Variants in OSBP2 observed in about 807,000 individuals in gnomAD.
OSBP2 encodes the protein oxysterol binding protein 2.
OSBP2 carries 66 observed loss-of-function variants against 96.0 expected under a neutral mutation model. The observed-to-expected ratio is 0.69, with a 90% CI of 0.56 to 0.84. The LOEUF is 0.84. Ranked by LOEUF, OSBP2 falls within the 40% of genes least tolerant of loss-of-function variation. OSBP2 has a pLI of 0.00. For missense variants in OSBP2, 1,038 were observed against 1,222.7 expected (o/e 0.85, Z 2.25); for synonymous variants, 525 against 520.9 (o/e 1.01, Z -0.11).
At chr22:30,751,508 C>T (rs1352697195) in intron 2 of OSBP2, among the ~76,000 whole-genome samples, 2 of 152,126 alleles carry the variant, frequency 1.3e-5, no homozygotes, top group East Asian at 3.9e-4. Context: ...GTGTCCACCA[C>T]CACGCCTGGC....
rs2039911234 is a variant in OSBP2 at position 30,890,096 on chromosome 22, G to A, written c.1623+460G>A. 6.6e-6 allele frequency among the ~76,000 whole-genome samples: 1 copy of A among 152,186 alleles called. No individual in the cohort carries two copies. ...AGTGGCATCTCCACTAGGCCAGACG[G>A]TTCTGCTGTGTGACCCAGAACAAGT... On this transcript the variant is annotated intron_variant, in intron 7 of 13. Coordinates refer to ENST00000332585, the MANE Select transcript of OSBP2 (RefSeq NM_030758.4). This position sits in a 1 kb window ranked among gnomAD's most constrained non-coding sequence, Gnocchi z 4.4.
chr22:30,892,134 C>G lies in OSBP2; in HGVS notation c.1870-988C>G, dbSNP rs192621220. Among the ~76,000 whole-genome samples, 45 of 151,832 alleles carry G rather than the reference C, an allele frequency of 3.0e-4. No homozygotes were observed. The East Asian group carries it at 8.4e-3, about 28-fold the overall frequency. On this transcript the variant is annotated intron_variant, in intron 8 of 13. Coordinates refer to ENST00000332585, the MANE Select transcript of OSBP2 (RefSeq NM_030758.4). ...GAGATGGAGGTGGGAGTGGAGGGGG[C>G]AGATGCTGGATGCGATTTGAAGGAA...
intron 2 of OSBP2, among the ~76,000 whole-genome samples, chr22:30,832,439 T>G (rs1305987026): frequency 6.6e-6 from 1 of 151,936 alleles, no homozygotes; most frequent in African/African-American, 2.4e-5. Context: ...TACAGGCATG[T>G]GCCACCACAC....
At chr22:30,708,375 C>G (rs767510922) in intron 1 of OSBP2, among the ~76,000 whole-genome samples, 1 of 151,696 alleles carries the variant, frequency 6.6e-6, no homozygotes, top group African/African-American at 2.4e-5. Context: ...AACTTCTAGG[C>G]CAATCTCGTT....
At chr22:30,720,890 C>T (rs1602168512) in intron 1 of OSBP2, among the ~76,000 whole-genome samples, 1 of 152,172 alleles carries the variant, frequency 6.6e-6, no homozygotes, top group South Asian at 2.1e-4. Context: ...TTGTGGGAGA[C>T]CCTTCTCTGC....
chr22:30,771,664 G>A lies in OSBP2; in HGVS notation c.853+30295G>A, dbSNP rs546562760. Among the ~76,000 whole-genome samples the A allele has an allele frequency of 2.0e-5, 3 of 152,370 alleles. No homozygotes were observed. The East Asian group carries it at 5.8e-4, about 29-fold the overall frequency. On this transcript the variant is annotated intron_variant, in intron 2 of 13. Transcript: ENST00000332585. ...CAGCCTAGGTTGCTTCCCTTGTTCT[G>A]TGGCCAGTGGTCTTTGGTGAAGGAT...
At chr22:30,887,644 G>A (rs1314330707) in intron 4 of OSBP2, 26 bp downstream of exon 4, 2 of 1,546,398 alleles carry the variant, frequency 1.3e-6, no homozygotes, top group Non-Finnish European at 1.7e-6. Context: ...GGGCAGGGCT[G>A]TCCCATGACC....
At chr22:30,803,814 G>A (rs1356668074) in intron 2 of OSBP2, among the ~76,000 whole-genome samples, 1 of 152,130 alleles carries the variant, frequency 6.6e-6, no homozygotes, top group Non-Finnish European at 1.5e-5. Flanking sequence ...GGGTGTGTGT[G>A]TGTGTATGTG....
At position 30,754,975 on chromosome 22, in the gene OSBP2, C is replaced by G. The variant is rs916506948; in HGVS notation, c.853+13606C>G. ...TAAAAACTCCCCGTCCTTGACCCCT[C>G]TGCTTTCTTCCTGTATACCCACTCT... is the stretch of plus-strand genomic sequence containing the variant. On this transcript the variant is annotated intron_variant, in intron 2 of 13. Coordinates refer to ENST00000332585, the MANE Select transcript of OSBP2 (RefSeq NM_030758.4). 1.7e-4 allele frequency among the ~76,000 whole-genome samples: 26 copies of G among 152,356 alleles called. 4 individuals are homozygous for G. Among genetic ancestry groups the G allele is most frequent in the Admixed American group, 1.5e-3 (23 of 15,310 alleles).
At chr22:30,895,813 C>A (rs1018541664) in intron 12 of OSBP2, among the ~76,000 whole-genome samples, 2 of 151,782 alleles carry the variant, frequency 1.3e-5, no homozygotes, top group African/African-American at 4.8e-5. Flanking sequence ...TGGCACGCAC[C>A]TGTAATCCCA....
chr22:30,803,586 AT>A (rs1449872798), intron 2 of OSBP2, among the ~76,000 whole-genome samples: 2 of 152,216 alleles, frequency 1.3e-5, no homozygotes, highest in African/African-American at 4.8e-5. Context: ...GAGGCCAGCC[AT>A]CTTTTAGCAG....
intron 1 of OSBP2, among the ~76,000 whole-genome samples, chr22:30,696,113 T>A (rs747813430): frequency 3.4e-4 from 52 of 151,874 alleles, no homozygotes; most frequent in Non-Finnish European, 6.2e-4. Context: ...CCTTCAGGAG[T>A]CCATCTTGGC....
At chr22:30,853,306 A>T (rs1166660585) in intron 2 of OSBP2, among the ~76,000 whole-genome samples, 1 of 152,180 alleles carries the variant, frequency 6.6e-6, no homozygotes, top group African/African-American at 2.4e-5. Flanking sequence ...AGGCACGTGC[A>T]CATCCAGGAG....
intron 12 of OSBP2, among the ~76,000 whole-genome samples, chr22:30,897,483 G>A (rs764066062): frequency 4.6e-5 from 7 of 152,142 alleles, no homozygotes; most frequent in Non-Finnish European, 8.8e-5. Flanking sequence ...GATTTAGAGC[G>A]TAGCATACAG....
intron 1 of OSBP2, among the ~76,000 whole-genome samples, chr22:30,701,344 CTTTTTTT>C (rs1228654999): frequency 7.8e-6 from 1 of 127,990 alleles, no homozygotes; most frequent in African/African-American, 2.8e-5. Context: ...TTTTTCTTTT[CTTTTTTT>C]TTTTTTTTTT....
chr22:30,709,083 G>T (rs1447519074), intron 1 of OSBP2, among the ~76,000 whole-genome samples: 1 of 151,828 alleles, frequency 6.6e-6, no homozygotes, highest in African/African-American at 2.4e-5. Flanking sequence ...TGGACAACAA[G>T]AGCGAAAACT....
Position 30,695,182 on chromosome 22 carries a change from G to A in OSBP2, c.273G>A (p.Glu91=). 1 of 1,612,348 alleles carries A rather than the reference G, an allele frequency of 6.2e-7. No homozygotes were observed. Among genetic ancestry groups the A allele is most frequent in the Admixed American group, 1.7e-5 (1 of 59,918 alleles). Residue 91 remains glutamate (E), a synonymous_variant, in exon 1 of 14, where the codon GAG becomes GAA. Transcript: ENST00000332585. ...TGTCCGAGACGACGTCTGAGCCGGAGCCAGGGGCTGGGCAGCCATCGGAAC... is the reference window on the plus strand; with the variant it reads ...TGTCCGAGACGACGTCTGAGCCGGAACCAGGGGCTGGGCAGCCATCGGAAC... The part of the protein sequence containing the change: ...EPVSETTSEP[E]PGAGQPSELL...
At chr22:30,828,424 C>T (rs947663844) in intron 2 of OSBP2, among the ~76,000 whole-genome samples, 1 of 152,188 alleles carries the variant, frequency 6.6e-6, no homozygotes, top group Admixed American at 6.5e-5. Context: ...TGACCCTGCA[C>T]GCTGATCCCT....
intron 2 of OSBP2, among the ~76,000 whole-genome samples, chr22:30,809,252 C>T (rs1295253599): frequency 6.6e-6 from 1 of 152,204 alleles, no homozygotes; most frequent in Non-Finnish European, 1.5e-5. Flanking sequence ...AGGAAACTAA[C>T]ACAGTGAGTA....
Sources: allele counts gnomAD v4.1 joint callset (sites outside exome capture counted in the v4.1 genomes callset), GRCh38; gene constraint gnomAD v4.1.1; non-coding constraint Gnocchi (gnomAD v3.1); transcripts MANE v1.5; gene names NCBI Gene and HGNC (gene_info 2026-07-23, HGNC 2026-07-21).